SLC25A43: variants seen among roughly 807,000 people sequenced by gnomAD.
The protein encoded by SLC25A43 is solute carrier family 25, member 43.
In SLC25A43, 10 loss-of-function variants were observed where a neutral mutation model predicts 22.8. That is an observed-to-expected ratio of 0.44 (90% CI 0.27 to 0.74). The LOEUF (loss-of-function observed/expected upper bound fraction) is 0.74. Ranked by LOEUF, SLC25A43 falls within the 30% of genes least tolerant of loss-of-function variation. The pLI is 0.17. For missense variants in SLC25A43, 233 were observed against 279.1 expected (o/e 0.83, Z 1.18); for synonymous variants, 106 against 121.6 (o/e 0.87, Z 0.84).
chrX:119,429,499 G>GT (rs1211708454), intron 3 of SLC25A43, among the ~76,000 whole-genome samples: 1 of 108,990 alleles, frequency 9.2e-6, no homozygotes, highest in South Asian at 4.0e-4. Flanking sequence ...TTCTTTATTT[G>GT]TATCTACTGC....
At chrX:119,428,297 A>T (rs1286141269) in intron 3 of SLC25A43, among the ~76,000 whole-genome samples, 1 of 111,566 alleles carries the variant, frequency 9.0e-6, no homozygotes, top group Admixed American at 9.6e-5. Context: ...TCTACTAAAA[A>T]TATGAAAATT....
chrX:119,405,802 G>A (rs2052291796), intron 1 of SLC25A43, among the ~76,000 whole-genome samples: 1 of 109,610 alleles, frequency 9.1e-6, no homozygotes, highest in African/African-American at 3.3e-5. Flanking sequence ...GAGGCCGAGC[G>A]GGGTGGATCA....
At chrX:119,428,032 A>G (rs181434249) in intron 3 of SLC25A43, among the ~76,000 whole-genome samples, 102 of 112,526 alleles carry the variant, frequency 9.1e-4, no homozygotes, top group Non-Finnish European at 7.3e-4. Flanking sequence ...TGTTGTTAGC[A>G]GTTTACCTGT....
chrX:119,420,444 TG>T (rs1237163101), intron 3 of SLC25A43, among the ~76,000 whole-genome samples: 1 of 110,737 alleles, frequency 9.0e-6, no homozygotes, highest in Non-Finnish European at 1.9e-5. Context: ...ACCACAGGCA[TG>T]CGCCACCTAT....
At chrX:119,443,812 C>G (rs1046150359) in intron 3 of SLC25A43, among the ~76,000 whole-genome samples, 1 of 109,748 alleles carries the variant, frequency 9.1e-6, no homozygotes, top group Admixed American at 9.8e-5. Flanking sequence ...GTGGTGCAAT[C>G]TCGGCTCACT....
intron 3 of SLC25A43, among the ~76,000 whole-genome samples, chrX:119,425,628 A>G (rs1041950070): frequency 3.2e-4 from 7 of 21,827 alleles, no homozygotes; most frequent in African/African-American, 1.8e-3. Context: ...TAGCAGTCAG[A>G]AAAAAAAAAA....
chrX:119,425,265 C>T (rs904811005), intron 3 of SLC25A43, among the ~76,000 whole-genome samples: 1 of 111,727 alleles, frequency 9.0e-6, no homozygotes, highest in African/African-American at 3.3e-5. Context: ...GAAGAAAGCC[C>T]GCCTACCACA....
rs1245346254 is a variant in SLC25A43, at chrX:119,410,240, A to G, written c.568A>G (p.Lys190Glu). The G allele has an allele frequency of 2.5e-6, 3 of 1,208,139 alleles. No individual in the cohort carries two copies. The highest frequency in any genetic ancestry group is 3.4e-6 in the Non-Finnish European group (3 of 894,708). ...GSLLVYMNLE[K>E]IWNGPRDQFS... The stretch of plus-strand genomic sequence containing the variant: ...CCTTCTTGTTTACATGAACCTGGAG[A>G]AAATCTGGAACGGACCCCGAGATCA... The change falls in exon 3 of 5, where the codon AAA becomes GAA. Residue 190 changes from lysine (K) to glutamate (E), a missense_variant. Transcript: ENST00000217909.
chrX:119,416,177 AG>A (rs1217120415), intron 3 of SLC25A43, among the ~76,000 whole-genome samples: 2 of 109,531 alleles, frequency 1.8e-5, no homozygotes, highest in Non-Finnish European at 3.8e-5. Flanking sequence ...TATCTATTCT[AG>A]GGTCTCTATC....
At chrX:119,420,955 C>A (rs576886802) in intron 3 of SLC25A43, among the ~76,000 whole-genome samples, 1 of 109,745 alleles carries the variant, frequency 9.1e-6, no homozygotes, top group Non-Finnish European at 1.9e-5. Context: ...AAAACACACA[C>A]AAAAAAATTA....
intron 3 of SLC25A43, among the ~76,000 whole-genome samples, chrX:119,445,569 G>A (rs781529858): frequency 9.0e-6 from 1 of 111,604 alleles, no homozygotes; most frequent in African/African-American, 3.2e-5. Flanking sequence ...TGCCAAGGTC[G>A]CAGAGTCACC....
chrX:119,429,487 T>C (rs149065406), intron 3 of SLC25A43, among the ~76,000 whole-genome samples: 143 of 112,071 alleles, frequency 1.3e-3, no homozygotes, highest in African/African-American at 4.5e-3. Context: ...TTTAAGTCTT[T>C]GTTCTTTATT....
At chrX:119,446,553 C>T (rs750729671) in intron 3 of SLC25A43, among the ~76,000 whole-genome samples, 58 of 112,546 alleles carry the variant, frequency 5.2e-4, no homozygotes, top group Non-Finnish European at 9.8e-4. Flanking sequence ...TATGCCATTA[C>T]ATCTTAGTAA....
At chrX:119,407,855 TCTC>T (rs991925749) in intron 2 of SLC25A43, among the ~76,000 whole-genome samples, 22 of 110,405 alleles carry the variant, frequency 2.0e-4, no homozygotes, top group African/African-American at 7.2e-4. Context: ...CACTTCAACT[TCTC>T]CTCTCACTCC....
At chrX:119,428,887 T>A (rs1466728826) in intron 3 of SLC25A43, among the ~76,000 whole-genome samples, 1 of 110,256 alleles carries the variant, frequency 9.1e-6, no homozygotes, top group Non-Finnish European at 1.9e-5. Context: ...CTTATGAGAA[T>A]CTAATGCCTG....
chrX:119,415,255 G>T (rs2052389725), intron 3 of SLC25A43, among the ~76,000 whole-genome samples: 1 of 110,080 alleles, frequency 9.1e-6, no homozygotes, highest in African/African-American at 3.3e-5. Flanking sequence ...ATTTTTTGTA[G>T]AGACAGAGAC....
chrX:119,430,147 G>A (rs1045077010), intron 3 of SLC25A43, among the ~76,000 whole-genome samples: 1 of 111,723 alleles, frequency 9.0e-6, no homozygotes, highest in Non-Finnish European at 1.9e-5. Context: ...GACAAGCTGC[G>A]TGACATGTTT....
intron 3 of SLC25A43, among the ~76,000 whole-genome samples, chrX:119,448,520 C>A (rs938185766): frequency 3.5e-4 from 39 of 111,374 alleles, no homozygotes; most frequent in African/African-American, 1.2e-3. Flanking sequence ...TCCATTACCA[C>A]CACATTGGCC....
chrX:119,412,834 C>CT (rs200358764), intron 3 of SLC25A43, among the ~76,000 whole-genome samples: 13 of 107,246 alleles, frequency 1.2e-4, no homozygotes, highest in African/African-American at 1.7e-4. Context: ...GCATGCTTAT[C>CT]TTTTTTTTTT....
Sources: gnomAD v4.1 joint callset for allele counts (sites outside exome capture counted in the v4.1 genomes callset) on GRCh38, gnomAD v4.1.1 for gene constraint, MANE v1.5 for transcripts, NCBI Gene and HGNC (gene_info 2026-07-23, HGNC 2026-07-21) for gene names.